Variants in ASPH observed in about 807,000 individuals in gnomAD.
ASPH encodes aspartyl/asparaginyl beta-hydroxylase.
In ASPH, 100 loss-of-function variants were observed where a neutral mutation model predicts 118.4. That is an observed-to-expected ratio of 0.84 (90% CI 0.72 to 1.00). The LOEUF is 1.00. ASPH is among the 50% of genes least tolerant of loss of function. The pLI, the probability that ASPH is intolerant of heterozygous loss-of-function variation, is 0.00. For missense variants in ASPH, 920 were observed against 919.5 expected (o/e 1.00, Z -0.01); for synonymous variants, 315 against 325.6 (o/e 0.97, Z 0.35).
At chr8:61,511,473 A>G (rs1251784573) in intron 24 of ASPH, among the ~76,000 whole-genome samples, 2 of 152,150 alleles carry the variant, frequency 1.3e-5, no homozygotes, top group Non-Finnish European at 2.9e-5. Flanking sequence ...AGAAGAATGA[A>G]TTTCTCTCTG....
intron 14 of ASPH, among the ~76,000 whole-genome samples, chr8:61,613,765 T>C (rs1376708345): frequency 2.0e-5 from 3 of 152,200 alleles, no homozygotes; most frequent in Admixed American, 6.5e-5. Flanking sequence ...GCAGGGGCTA[T>C]ATCCTGAGAT....
intron 22 of ASPH, among the ~76,000 whole-genome samples, chr8:61,522,956 C>T (rs1182154089): frequency 1.3e-5 from 2 of 152,142 alleles, no homozygotes. Context: ...AGGGCTTCAA[C>T]ATATGAATTT....
chr8:61,605,951 CA>C (rs1296818573), intron 14 of ASPH, among the ~76,000 whole-genome samples: 1 of 152,208 alleles, frequency 6.6e-6, no homozygotes, highest in Non-Finnish European at 1.5e-5. Context: ...AGAGCACTGT[CA>C]AGCTATTATC....
At chr8:61,624,546 T>C (rs1852052289) in intron 13 of ASPH, 1 of 971,472 alleles carries the variant, frequency 1.0e-6, no homozygotes, top group African/African-American at 1.8e-5. Context: ...AGAGAATTCT[T>C]CTGTATTTTA....
In ASPH at chr8:61,701,683, T is replaced by C. The variant is rs531758803; in HGVS notation, c.103+12586A>G. Among the ~76,000 whole-genome samples, 5 of 152,278 alleles carry C rather than the reference T, an allele frequency of 3.3e-5. No individual in the cohort carries two copies. In the South Asian group the frequency reaches 1.0e-3, roughly 32 times the overall value. ...CAAATAATCAAATAAATCTTAAGAT[T>C]CAAGAAAATAAGCATTATATTTTAG... is the stretch of plus-strand genomic sequence containing the variant. On this transcript the variant is annotated intron_variant, in intron 1 of 24. Transcript: ENST00000379454.
intron 1 of ASPH, among the ~76,000 whole-genome samples, chr8:61,705,166 T>C (rs1024126583): frequency 2.0e-5 from 3 of 152,120 alleles, no homozygotes; most frequent in African/African-American, 4.8e-5. Context: ...CATGTTCTTA[T>C]TAATATTTAT....
rs546373109 is a variant in ASPH at position 61,559,443 on chromosome 8, GTC to G, written c.1437+3299_1437+3300del. ...GGCCAAATGTAATATTAGACAGATT[GTC>G]TCTCTCTTTCTCTCTCTCTATAAAA... On this transcript the variant is annotated intron_variant, in intron 18 of 24. Coordinates refer to ENST00000379454, the MANE Select transcript of ASPH (RefSeq NM_004318.4). Among the ~76,000 whole-genome samples the G allele has an allele frequency of 4.6e-5, 7 of 152,126 alleles. No homozygotes were observed. In the South Asian group the frequency reaches 1.5e-3, roughly 32 times the overall value.
At chr8:61,581,095 T>A (rs1837378263) in intron 15 of ASPH, among the ~76,000 whole-genome samples, 1 of 152,228 alleles carries the variant, frequency 6.6e-6, no homozygotes, top group South Asian at 2.1e-4. Flanking sequence ...GTCAAGGCTG[T>A]TAAAATAATG....
intron 14 of ASPH, among the ~76,000 whole-genome samples, chr8:61,596,329 T>C (rs552292184): frequency 1.3e-5 from 2 of 152,284 alleles, no homozygotes; most frequent in East Asian, 3.9e-4. Context: ...ACATGACACT[T>C]GAGAGCCTGA....
intron 21 of ASPH, among the ~76,000 whole-genome samples, chr8:61,536,930 G>A (rs1292430450): frequency 6.6e-6 from 1 of 152,184 alleles, no homozygotes; most frequent in Non-Finnish European, 1.5e-5. Flanking sequence ...GAAGGAAAAG[G>A]ATAACATGAG....
chr8:61,553,777 A>G (rs1826870960), intron 19 of ASPH, among the ~76,000 whole-genome samples: 1 of 152,212 alleles, frequency 6.6e-6, no homozygotes, highest in Non-Finnish European at 1.5e-5. Flanking sequence ...AAGAGAAAAG[A>G]GAAAATATTA....
chr8:61,601,352 C>T (rs1410776981), intron 14 of ASPH, among the ~76,000 whole-genome samples: 2 of 151,038 alleles, frequency 1.3e-5, no homozygotes, highest in East Asian at 3.9e-4. Context: ...ACCAGCCTGG[C>T]CAACATCGTG....
intron 16 of ASPH, among the ~76,000 whole-genome samples, chr8:61,575,356 C>A (rs1011363110): frequency 6.6e-6 from 1 of 152,136 alleles, no homozygotes; most frequent in African/African-American, 2.4e-5. Context: ...CTTGATGAGA[C>A]CTTTCCCTGC....
At chr8:61,671,080 A>T (rs904408395) in intron 3 of ASPH, among the ~76,000 whole-genome samples, 20 of 152,288 alleles carry the variant, frequency 1.3e-4, no homozygotes, top group Non-Finnish European at 2.4e-4. Flanking sequence ...GAAAGGGGTC[A>T]GTGGTAATCC....
intron 21 of ASPH, among the ~76,000 whole-genome samples, chr8:61,535,844 C>T (rs1819283455): frequency 6.6e-6 from 1 of 152,122 alleles, no homozygotes; most frequent in African/African-American, 2.4e-5. Flanking sequence ...CCCCTGGGTG[C>T]TGAGACGAGG....
chr8:61,516,963 G>A (rs1332536874), intron 24 of ASPH: 1 of 152,762 alleles, frequency 6.5e-6, no homozygotes, highest in Non-Finnish European at 1.5e-5. Context: ...ACCCTGCAAA[G>A]TAGATGTTAT....
At chr8:61,705,044 A>C (rs1836249686) in intron 1 of ASPH, among the ~76,000 whole-genome samples, 2 of 152,224 alleles carry the variant, frequency 1.3e-5, no homozygotes, top group South Asian at 4.1e-4. Flanking sequence ...ATAATAACCC[A>C]AAACTAGCCC....
intron 5 of ASPH, among the ~76,000 whole-genome samples, chr8:61,648,228 T>C (rs1809039688): frequency 6.6e-6 from 1 of 152,214 alleles, no homozygotes; most frequent in Non-Finnish European, 1.5e-5. Context: ...ATTATCACCA[T>C]TATTACAGTA....
chr8:61,672,734 T>G (rs991609771), intron 3 of ASPH, among the ~76,000 whole-genome samples: 22 of 152,138 alleles, frequency 1.4e-4, no homozygotes, highest in African/African-American at 5.3e-4. Context: ...TATTACAGGG[T>G]CATCTCAACA....
Sources: gnomAD v4.1 joint callset for allele counts (sites outside exome capture counted in the v4.1 genomes callset) on GRCh38, gnomAD v4.1.1 for gene constraint, MANE v1.5 for transcripts, NCBI Gene and HGNC (gene_info 2026-07-23, HGNC 2026-07-21) for gene names.